Variants in GRM5 observed in about 807,000 individuals in gnomAD.
GRM5 encodes glutamate metabotropic receptor 5, also known as metabotropic glutamate receptor 5.
In GRM5, 19 loss-of-function variants were observed where a neutral mutation model predicts 83.1. That is an observed-to-expected ratio of 0.23 (90% CI 0.16 to 0.34). The LOEUF (loss-of-function observed/expected upper bound fraction) is 0.34. GRM5 is among the 10% of genes least tolerant of loss of function. GRM5 has a pLI of 1.00. For synonymous variants in GRM5, 675 were observed against 633.6 expected (o/e 1.07, Z -0.98); for missense variants, 1,160 against 1,588.3 (o/e 0.73, Z 4.58).
At chr11:88,717,521 C>T (rs1014574342) in intron 3 of GRM5, among the ~76,000 whole-genome samples, 21 of 151,820 alleles carry the variant, frequency 1.4e-4, no homozygotes, top group African/African-American at 5.1e-4. Flanking sequence ...TTTAAATACC[C>T]TGCTAGTAAA....
intron 3 of GRM5, among the ~76,000 whole-genome samples, chr11:88,757,549 A>G (rs1310821598): frequency 1.3e-5 from 2 of 152,040 alleles, no homozygotes; most frequent in South Asian, 2.1e-4. Context: ...GAGAGAGCAC[A>G]CAGACTTGTG....
At chr11:89,049,281 C>T (rs903140256) in intron 1 of GRM5, among the ~76,000 whole-genome samples, 4 of 152,090 alleles carry the variant, frequency 2.6e-5, no homozygotes, top group African/African-American at 9.7e-5. Context: ...AATTTAAATT[C>T]CTGGGAAGAA....
intron 8 of GRM5, among the ~76,000 whole-genome samples, chr11:88,527,074 A>G (rs530126561): frequency 2.0e-5 from 3 of 152,296 alleles, no homozygotes; most frequent in African/African-American, 7.2e-5. Context: ...TTACCAAGAA[A>G]ATACCTTAGA....
intron 2 of GRM5, among the ~76,000 whole-genome samples, chr11:89,013,588 T>A (rs2135095104): frequency 6.6e-6 from 1 of 152,308 alleles, no homozygotes; most frequent in Non-Finnish European, 1.5e-5. Context: ...GAAATCTTTA[T>A]GAGGGCAGAC....
intron 2 of GRM5, among the ~76,000 whole-genome samples, chr11:88,946,360 C>A (rs866041201): frequency 6.6e-6 from 1 of 152,178 alleles, no homozygotes; most frequent in Middle Eastern, 3.4e-3. Context: ...AGCTATCATT[C>A]GACCTAGCCC....
At chr11:88,751,087 A>AAAAAAAAAAAAAAAAAAAAAAAAAG (rs1942263431) in intron 3 of GRM5, among the ~76,000 whole-genome samples, 1 of 146,906 alleles carries the variant, frequency 6.8e-6, no homozygotes, top group African/African-American at 2.4e-5. Flanking sequence ...AAAAAAAAAA[A>AAAAAAAAAAAAAAAAAAAAAAAAAG]AAAAAAAACA....
intron 2 of GRM5, among the ~76,000 whole-genome samples, chr11:88,970,659 A>C (rs1468646253): frequency 3.3e-5 from 5 of 152,210 alleles, no homozygotes; most frequent in Admixed American, 1.3e-4. Flanking sequence ...GTCAGGGCCC[A>C]CTTTGGGCCA....
chr11:88,840,613 G>C (rs924963071), intron 3 of GRM5, among the ~76,000 whole-genome samples: 1 of 152,102 alleles, frequency 6.6e-6, no homozygotes, highest in South Asian at 2.1e-4. Flanking sequence ...GGCTTTCAGG[G>C]CTTTTTCCAT....
chr11:88,966,630 G>C (rs5001753), intron 2 of GRM5, among the ~76,000 whole-genome samples: 1 of 152,004 alleles, frequency 6.6e-6, no homozygotes, highest in Non-Finnish European at 1.5e-5. Context: ...CTACTGTTGC[G>C]TTTTGGGTAT....
At chr11:88,576,531 C>T (rs1486597442) in intron 7 of GRM5, among the ~76,000 whole-genome samples, 1 of 152,154 alleles carries the variant, frequency 6.6e-6, no homozygotes, top group Admixed American at 6.6e-5. Context: ...GCATGCCCTT[C>T]ATTTTCAGCT....
chr11:89,064,836 C>G (rs994795206), intron 1 of GRM5, among the ~76,000 whole-genome samples: 1 of 142,804 alleles, frequency 7.0e-6, no homozygotes, highest in Non-Finnish European at 1.5e-5. Context: ...CTTCTCTTCC[C>G]TGTATTCATT....
chr11:88,770,839 T>C (rs868491606), intron 3 of GRM5, among the ~76,000 whole-genome samples: 17 of 152,122 alleles, frequency 1.1e-4, no homozygotes, highest in African/African-American at 2.9e-4. Context: ...AGTACAATCA[T>C]GTGATAATGT....
chr11:88,729,557 C>A (rs1207679946), intron 3 of GRM5, among the ~76,000 whole-genome samples: 1 of 152,196 alleles, frequency 6.6e-6, no homozygotes, highest in African/African-American at 2.4e-5. Flanking sequence ...CATAAAAGAG[C>A]CCATATAGCC....
intron 3 of GRM5, among the ~76,000 whole-genome samples, chr11:88,750,308 G>T (rs1316645455): frequency 2.0e-5 from 3 of 152,082 alleles, no homozygotes; most frequent in African/African-American, 4.8e-5. Flanking sequence ...TGACAAAACA[G>T]ATTTTAACCA....
At chr11:88,846,516 G>A (rs1048858566) in intron 3 of GRM5, among the ~76,000 whole-genome samples, 3 of 152,224 alleles carry the variant, frequency 2.0e-5, no homozygotes, top group African/African-American at 7.2e-5. Flanking sequence ...ATGGTGAGAT[G>A]TGCTGATGGA....
At position 88,637,370 on chromosome 11, in the gene GRM5, C is replaced by A. The variant is rs974439119; in HGVS notation, c.1147+15798G>T. ...ACTACCATCAGAGTGAACAGGCAAC[C>A]TACAAAATGGGAGAAAATTTTCGCA... On this transcript the variant is annotated intron_variant, in intron 4 of 9. Transcript: ENST00000305447. Among the ~76,000 whole-genome samples, 793 of 151,482 alleles carry A rather than the reference C, an allele frequency of 5.2e-3. 5 individuals carry two copies. Among genetic ancestry groups the A allele is most frequent in the Non-Finnish European group, 7.9e-3 (533 of 67,628 alleles).
In GRM5 at chr11:88,734,771, A is replaced by G. The variant is rs138556269; in HGVS notation, c.912-81368T>C. On this transcript the variant is annotated intron_variant, in intron 3 of 9. Coordinates refer to ENST00000305447, the MANE Select transcript of GRM5 (RefSeq NM_001143831.3). ...TTCTTCAAAATATAACACTTGGTAC[A>G]GTAAGTGCTAAACAAAGACAACCAA... Among the ~76,000 whole-genome samples the G allele has an allele frequency of 3.0e-3, 453 of 152,192 alleles. 1 individual carries two copies. Among genetic ancestry groups the G allele is most frequent in the African/African-American group, 0.011 (449 of 41,570 alleles).
intron 4 of GRM5, among the ~76,000 whole-genome samples, chr11:88,628,077 G>C (rs534605217): frequency 1.3e-5 from 2 of 151,938 alleles, no homozygotes; most frequent in African/African-American, 2.4e-5. Context: ...GAAATACTCT[G>C]CCTCCAACTC....
At chr11:88,652,836 G>C (rs1397813258) in intron 4 of GRM5, among the ~76,000 whole-genome samples, 1 of 152,072 alleles carries the variant, frequency 6.6e-6, no homozygotes, top group Non-Finnish European at 1.5e-5. Context: ...GAAATGAGCA[G>C]AATGCAGTCA....
Sources: gnomAD v4.1 joint callset for allele counts (sites outside exome capture counted in the v4.1 genomes callset) on GRCh38, gnomAD v4.1.1 for gene constraint, MANE v1.5 for transcripts, NCBI Gene and HGNC (gene_info 2026-07-23, HGNC 2026-07-21) for gene names.